CACNA2D3: variants seen among roughly 807,000 people sequenced by gnomAD.
CACNA2D3 encodes voltage-dependent calcium channel subunit alpha-2/delta-3.
CACNA2D3 carries 60 observed loss-of-function variants against 160.6 expected under a neutral mutation model. That is an observed-to-expected ratio of 0.37 (90% CI 0.30 to 0.46). The LOEUF is 0.46. Ranked by LOEUF, CACNA2D3 falls within the 20% of genes least tolerant of loss-of-function variation. The pLI is 1.00. For missense variants in CACNA2D3, 1,205 were observed against 1,365.0 expected (o/e 0.88, Z 1.85); for synonymous variants, 558 against 492.9 (o/e 1.13, Z -1.75).
At chr3:54,350,662 C>T (rs1397520180) in intron 3 of CACNA2D3, among the ~76,000 whole-genome samples, 3 of 152,212 alleles carry the variant, frequency 2.0e-5, no homozygotes, top group African/African-American at 7.2e-5. Context: ...CTGTTATCAA[C>T]ACCAGCCACA....
intron 27 of CACNA2D3, among the ~76,000 whole-genome samples, chr3:54,941,308 C>T (rs1701460619): frequency 1.3e-5 from 2 of 152,078 alleles, no homozygotes; most frequent in African/African-American, 4.8e-5. Context: ...ATAATCAGCC[C>T]CATAATCTAA....
At chr3:54,868,967 A>G (rs1699465376) in intron 17 of CACNA2D3, among the ~76,000 whole-genome samples, 1 of 152,150 alleles carries the variant, frequency 6.6e-6, no homozygotes, top group Non-Finnish European at 1.5e-5. Flanking sequence ...TTTCTTTGCC[A>G]TGGAGGTGCT....
At chr3:54,734,448 G>T (rs559789880) in intron 11 of CACNA2D3, among the ~76,000 whole-genome samples, 27 of 152,242 alleles carry the variant, frequency 1.8e-4, no homozygotes, top group South Asian at 4.1e-4. Flanking sequence ...AGGCTTTTAG[G>T]AGGCCAGAAT....
chr3:54,346,182 C>T (rs551914399), intron 3 of CACNA2D3, among the ~76,000 whole-genome samples: 8 of 152,222 alleles, frequency 5.3e-5, no homozygotes, highest in East Asian at 3.9e-4. Flanking sequence ...TGTTACTTCC[C>T]GAGATGACCG....
rs139357793 is a variant in CACNA2D3, at chr3:54,578,715, G to A, written c.889-3088G>A. ...CAAGCTGGCTGGGATTCTGAAGAGC[G>A]GATTCTTCCACTGAGGCCATAGCAC... On this transcript the variant is annotated intron_variant, in intron 8 of 37. Coordinates refer to ENST00000474759, the MANE Select transcript of CACNA2D3 (RefSeq NM_018398.3). Among the ~76,000 whole-genome samples the A allele has an allele frequency of 1.1e-4, 17 of 152,332 alleles. No homozygotes were observed. The East Asian group carries it at 2.3e-3, about 21-fold the overall frequency.
chr3:54,713,896 T>C (rs1701000565), intron 11 of CACNA2D3, among the ~76,000 whole-genome samples: 1 of 152,232 alleles, frequency 6.6e-6, no homozygotes, highest in Admixed American at 6.5e-5. Flanking sequence ...TTGCATCATA[T>C]GTAATTACAA....
Position 54,345,937 on chromosome 3 carries a change from C to T in CACNA2D3, c.321+25379C>T, listed in dbSNP as rs551824015. Among the ~76,000 whole-genome samples the T allele has an allele frequency of 6.6e-5, 10 of 151,936 alleles. No homozygotes were observed. In the South Asian group the frequency reaches 2.1e-3, roughly 32 times the overall value. ...ATAAATACAGGGAGCTGGAAATTTC[C>T]CACTTGTGTCATGACATCTGTCCTC... is the stretch of plus-strand genomic sequence containing the variant. On this transcript the variant is annotated intron_variant, in intron 3 of 37. Coordinates refer to ENST00000474759, the MANE Select transcript of CACNA2D3 (RefSeq NM_018398.3).
intron 29 of CACNA2D3, among the ~76,000 whole-genome samples, chr3:54,981,349 C>T (rs1702503521): frequency 6.6e-6 from 1 of 152,174 alleles, no homozygotes. Flanking sequence ...ACACCAGATT[C>T]ACTACAGTTT....
rs1166687695 is a variant in CACNA2D3 at position 54,681,961 on chromosome 3, G to A, written c.1167+39720G>A. On this transcript the variant is annotated intron_variant, in intron 11 of 37. Coordinates refer to ENST00000474759, the MANE Select transcript of CACNA2D3 (RefSeq NM_018398.3). ...ACCTCTCAAAGTGCTGGGATTACAG[G>A]CGTTGAGTCACCATGCCCAGCCCCT... is the stretch of plus-strand genomic sequence containing the variant. Among the ~76,000 whole-genome samples, 3 of 152,214 alleles carry A rather than the reference G, an allele frequency of 2.0e-5. No homozygotes were observed. In the East Asian group the frequency reaches 5.8e-4, roughly 30 times the overall value.
At chr3:54,553,878 A>G (rs1702198784) in intron 5 of CACNA2D3, among the ~76,000 whole-genome samples, 1 of 152,204 alleles carries the variant, frequency 6.6e-6, no homozygotes, top group African/African-American at 2.4e-5. Flanking sequence ...TTTGGAAAAT[A>G]AATTTGATTT....
At chr3:54,372,783 G>A (rs757670313) in intron 3 of CACNA2D3, among the ~76,000 whole-genome samples, 6 of 152,084 alleles carry the variant, frequency 3.9e-5, no homozygotes, top group Non-Finnish European at 5.9e-5. Flanking sequence ...TTCATTACCT[G>A]GGCATTAAAA....
At chr3:54,236,618 C>T (rs983443883) in intron 2 of CACNA2D3, among the ~76,000 whole-genome samples, 2 of 152,138 alleles carry the variant, frequency 1.3e-5, no homozygotes, top group Non-Finnish European at 2.9e-5. Context: ...TATAAAAACT[C>T]TGTGCATAGA....
At chr3:54,559,622 A>G (rs1702294590) in intron 5 of CACNA2D3, among the ~76,000 whole-genome samples, 1 of 152,168 alleles carries the variant, frequency 6.6e-6, no homozygotes, top group Admixed American at 6.5e-5. Flanking sequence ...TCAGGGGTAC[A>G]TGTGCAGGTT....
At chr3:54,463,410 C>T (rs1464409281) in intron 4 of CACNA2D3, among the ~76,000 whole-genome samples, 1 of 152,298 alleles carries the variant, frequency 6.6e-6, no homozygotes, top group African/African-American at 2.4e-5. Context: ...CTTTCAGGTA[C>T]AGCAATCACG....
At chr3:55,040,694 A>T (rs1703940615) in intron 35 of CACNA2D3, among the ~76,000 whole-genome samples, 1 of 152,120 alleles carries the variant, frequency 6.6e-6, no homozygotes, top group Admixed American at 6.6e-5. Flanking sequence ...CTAATAATAA[A>T]AAAGCCATTT....
chr3:54,473,777 G>GA (rs1471613278), intron 4 of CACNA2D3, among the ~76,000 whole-genome samples: 2 of 152,068 alleles, frequency 1.3e-5, no homozygotes, highest in African/African-American at 2.4e-5. Flanking sequence ...ACAAACATAT[G>GA]AAAAAAAGCT....
chr3:54,310,769 G>C (rs7637538), intron 2 of CACNA2D3, among the ~76,000 whole-genome samples: 1 of 152,158 alleles, frequency 6.6e-6, no homozygotes, highest in African/African-American at 2.4e-5. Flanking sequence ...TCATTTGTGA[G>C]TATTTTACTC....
At chr3:54,642,328 T>G in intron 11 of CACNA2D3, 87 bp downstream of exon 11, 2 of 692,370 alleles carry the variant, frequency 2.9e-6, no homozygotes, top group Non-Finnish European at 4.7e-6. Flanking sequence ...AAGTGCCTCA[T>G]GTAGACTTAA....
At chr3:55,038,473 A>G (rs931841597) in intron 35 of CACNA2D3, among the ~76,000 whole-genome samples, 2 of 152,172 alleles carry the variant, frequency 1.3e-5, no homozygotes, top group African/African-American at 2.4e-5. Context: ...AGATGCACAT[A>G]CAAATTTGCA....
Sources: gnomAD v4.1 joint callset for allele counts (sites outside exome capture counted in the v4.1 genomes callset) on GRCh38, gnomAD v4.1.1 for gene constraint, MANE v1.5 for transcripts, NCBI Gene and HGNC (gene_info 2026-07-23, HGNC 2026-07-21) for gene names.